DCUN1D3: variants seen among roughly 807,000 people sequenced by gnomAD.
The protein encoded by DCUN1D3 is DCN1-like protein 3.
DCUN1D3 carries 6 observed loss-of-function variants against 24.8 expected under a neutral mutation model. That is an observed-to-expected ratio of 0.24 (90% CI 0.13 to 0.48). The LOEUF (loss-of-function observed/expected upper bound fraction) is 0.48. Among genes scored for constraint, DCUN1D3 ranks in the 20% least tolerant of loss-of-function variants. DCUN1D3 has a pLI of 0.99. For synonymous variants in DCUN1D3, 120 were observed against 144.9 expected, an observed-to-expected ratio of 0.83 and a Z score of 1.24; for missense variants, 258 against 379.4, an observed-to-expected ratio of 0.68 and a Z score of 2.66.
intron 1 of DCUN1D3, 138 bp from the exon 2 acceptor site, chr16:20,862,781 T>C: frequency 1.3e-6 from 1 of 796,250 alleles, no homozygotes; most frequent in Non-Finnish European, 1.8e-6. Context: ...GAGTTCATCA[T>C]CCCCTTCACA....
chr16:20,882,782 G>A (rs962688071), intron 1 of DCUN1D3, among the ~76,000 whole-genome samples: 2 of 152,140 alleles, frequency 1.3e-5, no homozygotes, highest in Non-Finnish European at 2.9e-5. Flanking sequence ...GAATACATAC[G>A]CTTCACTTTG....
intron 1 of DCUN1D3, among the ~76,000 whole-genome samples, chr16:20,895,459 C>A (rs886172950): frequency 6.6e-6 from 1 of 152,264 alleles, no homozygotes; most frequent in East Asian, 1.9e-4. Context: ...TCTGGAAATG[C>A]CTCCTGAGTA....
At chr16:20,883,098 C>A (rs1404954608) in intron 1 of DCUN1D3, among the ~76,000 whole-genome samples, 1 of 152,180 alleles carries the variant, frequency 6.6e-6, no homozygotes, top group Non-Finnish European at 1.5e-5. Context: ...AATCTGAAAT[C>A]TGAAATTCTT....
intron 1 of DCUN1D3, among the ~76,000 whole-genome samples, chr16:20,888,600 G>A (rs560672465): frequency 3.3e-5 from 5 of 152,236 alleles, no homozygotes; most frequent in Middle Eastern, 6.8e-3. Flanking sequence ...GACCACAGGC[G>A]GGCACCACCA....
chr16:20,871,299 G>C (rs1158778837), intron 1 of DCUN1D3, among the ~76,000 whole-genome samples: 1 of 152,160 alleles, frequency 6.6e-6, no homozygotes, highest in Non-Finnish European at 1.5e-5. Context: ...TTCCAGTTAG[G>C]GTTGGGGAGG....
intron 1 of DCUN1D3, among the ~76,000 whole-genome samples, chr16:20,870,325 G>C (rs555842395): frequency 2.0e-5 from 3 of 152,312 alleles, no homozygotes; most frequent in South Asian, 4.1e-4. Context: ...AAGTCCAAAA[G>C]CAGAGGGAAA....
At chr16:20,896,641 A>C (rs1336397136) in intron 1 of DCUN1D3, among the ~76,000 whole-genome samples, 3 of 152,204 alleles carry the variant, frequency 2.0e-5, no homozygotes, top group Non-Finnish European at 2.9e-5. Flanking sequence ...AGTTACAATA[A>C]ACCATTGAAA....
Position 20,859,579 on chromosome 16 carries a change from A to C in DCUN1D3, c.*307T>G, listed in dbSNP as rs9924280. 0.012 allele frequency: 2,815 copies of C among 237,060 alleles called. 74 individuals are homozygous for C. Among genetic ancestry groups the C allele is most frequent in the African/African-American group, 0.056 (2,436 of 43,370 alleles). The allele number at this position is 237,060 out of a possible 1,614,324, so 14.7% of individuals were successfully genotyped here. Reference sequence around the variant, plus strand: ...AAAAAACAAAAAAAAACAAAAAAAAAACCTAAATTTGTGCAAGAAATGGCA... The same window carrying C: ...AAAAAACAAAAAAAAACAAAAAAAACACCTAAATTTGTGCAAGAAATGGCA... On this transcript the variant is annotated 3_prime_UTR_variant, in exon 3 of 3. Coordinates refer to ENST00000324344, the MANE Select transcript of DCUN1D3 (RefSeq NM_173475.4).
intron 1 of DCUN1D3, among the ~76,000 whole-genome samples, chr16:20,887,909 C>G (rs768453435): frequency 6.6e-6 from 1 of 152,220 alleles, no homozygotes; most frequent in Non-Finnish European, 1.5e-5. Flanking sequence ...GTCCCCACTG[C>G]TAGACTTATA....
At chr16:20,886,954 G>A (rs1235609914) in intron 1 of DCUN1D3, among the ~76,000 whole-genome samples, 1 of 152,190 alleles carries the variant, frequency 6.6e-6, no homozygotes, top group Non-Finnish European at 1.5e-5. Context: ...ATCATCCTAA[G>A]CACTATTGTC....
At chr16:20,880,489 C>T (rs1313496593) in intron 1 of DCUN1D3, among the ~76,000 whole-genome samples, 1 of 150,650 alleles carries the variant, frequency 6.6e-6, no homozygotes, top group African/African-American at 2.4e-5. Flanking sequence ...TCTGTGGTCC[C>T]AGCTACTTGG....
intron 1 of DCUN1D3, among the ~76,000 whole-genome samples, chr16:20,886,065 A>G (rs1567429098): frequency 4.4e-5 from 1 of 22,614 alleles, no homozygotes; most frequent in East Asian, 5.0e-4. Context: ...TTTTTCATTG[A>G]AAAAAAAAAA....
chr16:20,878,449 T>G (rs533567201), intron 1 of DCUN1D3, among the ~76,000 whole-genome samples: 2 of 152,204 alleles, frequency 1.3e-5, no homozygotes, highest in Admixed American at 1.3e-4. Flanking sequence ...CAGGGTGTTA[T>G]GTCCAAGGGT....
intron 1 of DCUN1D3, among the ~76,000 whole-genome samples, chr16:20,867,598 T>C (rs887324612): frequency 1.3e-5 from 2 of 152,222 alleles, no homozygotes; most frequent in African/African-American, 4.8e-5. Context: ...ATCTGCCTGA[T>C]AGAGCTCTTG....
Position 20,855,930 on chromosome 16 carries a change from C to G in DCUN1D3, c.*3956G>C, listed in dbSNP as rs779867383. On this transcript the variant is annotated 3_prime_UTR_variant, in exon 3 of 3. Coordinates refer to ENST00000324344, the MANE Select transcript of DCUN1D3 (RefSeq NM_173475.4). ...AAGACCTGTCATTTACCAAGATGTT[C>G]AAGTCCCCCAAGGAAGACCTTTGTC... The G allele has an allele frequency of 1.3e-5, 2 of 152,202 alleles. No homozygotes were observed. Among genetic ancestry groups the G allele is most frequent in the Non-Finnish European group, 2.9e-5 (2 of 68,044 alleles). The allele number at this position is 152,202 out of a possible 1,614,324, so 9.4% of individuals were successfully genotyped here. A position where few individuals can be genotyped will look rare whatever the true frequency, so the allele number is the denominator to read the frequency against.
At chr16:20,894,575 G>A (rs1281181565) in intron 1 of DCUN1D3, among the ~76,000 whole-genome samples, 1 of 152,192 alleles carries the variant, frequency 6.6e-6, no homozygotes, top group Non-Finnish European at 1.5e-5. Context: ...TGCAATCCAA[G>A]CTTCTGTGTG....
chr16:20,889,206 CA>C (rs1232293476), intron 1 of DCUN1D3, among the ~76,000 whole-genome samples: 1 of 106,948 alleles, frequency 9.4e-6, no homozygotes, highest in Non-Finnish European at 1.8e-5. Context: ...GCCTAGGTGA[CA>C]AAGTGAGACT....
rs184834275 is a variant in DCUN1D3, at chr16:20,893,368, T to C, written c.-106+6836A>G. 4.6e-5 allele frequency among the ~76,000 whole-genome samples: 7 copies of C among 152,262 alleles called. No homozygotes were observed. The East Asian group carries it at 7.7e-4, about 17-fold the overall frequency. On this transcript the variant is annotated intron_variant, in intron 1 of 2. Transcript: ENST00000324344. ...CCCTTATTTCTTGTAAAATGAGGTC[T>C]CACTGTGTTGCCCAGACTGGTCTCA... is the stretch of plus-strand genomic sequence containing the variant.
At chr16:20,863,500 G>T (rs2081744238) in intron 1 of DCUN1D3, among the ~76,000 whole-genome samples, 1 of 152,176 alleles carries the variant, frequency 6.6e-6, no homozygotes, top group Non-Finnish European at 1.5e-5. Flanking sequence ...CAACATTTTG[G>T]GAGGCAAGGT....
Sources: gnomAD v4.1 joint callset for allele counts (sites outside exome capture counted in the v4.1 genomes callset) on GRCh38, gnomAD v4.1.1 for gene constraint, MANE v1.5 for transcripts, NCBI Gene and HGNC (gene_info 2026-07-23, HGNC 2026-07-21) for gene names.